DNM3: variants seen among roughly 807,000 people sequenced by gnomAD.
DNM3 encodes dynamin-3.
DNM3 carries 47 observed loss-of-function variants against 101.6 expected under a neutral mutation model. That is an observed-to-expected ratio of 0.46 (90% CI 0.37 to 0.59). The LOEUF is 0.59. Among genes scored for constraint, DNM3 ranks in the 20% least tolerant of loss-of-function variants. The pLI, the probability that DNM3 is intolerant of heterozygous loss-of-function variation, is 0.00. For synonymous variants in DNM3, 385 were observed against 387.9 expected (o/e 0.99, Z 0.09); for missense variants, 849 against 1,085.7 (o/e 0.78, Z 3.06).
chr1:172,352,878 A>G (rs1040735673), intron 17 of DNM3, among the ~76,000 whole-genome samples: 7 of 152,212 alleles, frequency 4.6e-5, no homozygotes, highest in African/African-American at 1.7e-4. Flanking sequence ...AATAAAAATT[A>G]AGAGCAAAAC....
At chr1:172,132,490 T>C (rs902866054) in intron 14 of DNM3, among the ~76,000 whole-genome samples, 1 of 152,190 alleles carries the variant, frequency 6.6e-6, no homozygotes, top group South Asian at 2.1e-4. Flanking sequence ...CTTAGCTATC[T>C]CTGTCATTCT....
chr1:172,269,433 A>G (rs141173097), intron 15 of DNM3, among the ~76,000 whole-genome samples: 1 of 152,276 alleles, frequency 6.6e-6, no homozygotes, highest in East Asian at 1.9e-4. Flanking sequence ...TAGGGGACCC[A>G]ATCGCTAGTT....
intron 4 of DNM3, among the ~76,000 whole-genome samples, chr1:172,001,143 G>A (rs1016024398): frequency 6.6e-6 from 1 of 152,062 alleles, no homozygotes; most frequent in Non-Finnish European, 1.5e-5. Context: ...CATAGGAAAG[G>A]AAGAGGACAT....
rs2071129389 is a variant in DNM3, at chr1:172,410,222, T to A, written c.*2381T>A. On this transcript the variant is annotated 3_prime_UTR_variant, in exon 21 of 21. Coordinates refer to ENST00000627582, the MANE Select transcript of DNM3 (RefSeq NM_015569.5). ...CTCATTTCCCAAAGGGTTTGTATTC[T>A]GCTAAAAGGAGATGCCAATGTTGAA... 1 of 985,278 alleles carries A rather than the reference T, an allele frequency of 1.0e-6. No individual in the cohort carries two copies. 61.0% of individuals were successfully genotyped at this position (985,278 alleles called of 1,614,324 possible).
In DNM3 at chr1:172,108,427, T is replaced by G. The variant is rs762477808; in HGVS notation, c.1545+15552T>G. Among the ~76,000 whole-genome samples the G allele has an allele frequency of 6.0e-4, 92 of 152,302 alleles. 1 individual carries two copies. Among genetic ancestry groups the G allele is most frequent in the Non-Finnish European group, 2.2e-4 (15 of 68,018 alleles). Reference sequence around the variant, plus strand: ...TTTAATTGGAGTAGTCTTAGTAGCTTGAAAGAGTTAATGCAGGTCTCAGAT... The same window carrying G: ...TTTAATTGGAGTAGTCTTAGTAGCTGGAAAGAGTTAATGCAGGTCTCAGAT... On this transcript the variant is annotated intron_variant, in intron 13 of 20. Coordinates refer to ENST00000627582, the MANE Select transcript of DNM3 (RefSeq NM_015569.5).
intron 1 of DNM3, among the ~76,000 whole-genome samples, chr1:171,893,200 C>T (rs1393241873): frequency 6.6e-6 from 1 of 152,078 alleles, no homozygotes; most frequent in Non-Finnish European, 1.5e-5. Context: ...ATTCTGGGAT[C>T]CTTTGATGTC....
At chr1:171,909,825 T>C (rs1286569999) in intron 1 of DNM3, among the ~76,000 whole-genome samples, 2 of 152,210 alleles carry the variant, frequency 1.3e-5, no homozygotes, top group Non-Finnish European at 2.9e-5. Flanking sequence ...AAGAAGGCCA[T>C]TAAGTGCTAA....
Position 172,234,578 on chromosome 1 carries a change from C to A in DNM3, c.1660-18995C>A, listed in dbSNP as rs553551710. On this transcript the variant is annotated intron_variant, in intron 14 of 20. Transcript: ENST00000627582. ...CAAAAAAGAGCCCACATTGCCAAGT[C>A]AATCCTAAGCCAAAAGAACAAAGCT... 3.6e-4 allele frequency among the ~76,000 whole-genome samples: 55 copies of A among 152,224 alleles called. 1 individual carries two copies. The highest frequency in any genetic ancestry group is 7.2e-4 in the Admixed American group (11 of 15,282).
intron 1 of DNM3, among the ~76,000 whole-genome samples, chr1:171,918,756 T>TA (rs928516475): frequency 6.6e-6 from 1 of 152,002 alleles, no homozygotes; most frequent in East Asian, 1.9e-4. Flanking sequence ...GTTTGCTTAA[T>TA]AAAAAAAATG....
chr1:172,329,203 G>A (rs2066076934), intron 17 of DNM3, among the ~76,000 whole-genome samples: 1 of 152,082 alleles, frequency 6.6e-6, no homozygotes, highest in Admixed American at 6.6e-5. Context: ...AAAAAAGGAT[G>A]TGAATGGTAT....
chr1:171,924,094 G>A (rs1017478508), intron 2 of DNM3, among the ~76,000 whole-genome samples: 1 of 152,152 alleles, frequency 6.6e-6, no homozygotes, highest in Non-Finnish European at 1.5e-5. Context: ...GGTGGGCTTA[G>A]GTTGATTCCA....
At chr1:172,068,463 T>C (rs1466048631) in intron 10 of DNM3, among the ~76,000 whole-genome samples, 1 of 152,210 alleles carries the variant, frequency 6.6e-6, no homozygotes, top group Non-Finnish European at 1.5e-5. Context: ...CTATATAAAA[T>C]GTTAGTCATT....
intron 1 of DNM3, among the ~76,000 whole-genome samples, chr1:171,866,115 C>T (rs1053432992): frequency 6.6e-6 from 1 of 152,206 alleles, no homozygotes; most frequent in African/African-American, 2.4e-5. Flanking sequence ...GTTGTCCCAG[C>T]TCAGAGCTTA....
At chr1:172,077,104 G>A (rs1367538185) in intron 11 of DNM3, among the ~76,000 whole-genome samples, 1 of 152,124 alleles carries the variant, frequency 6.6e-6, no homozygotes, top group African/African-American at 2.4e-5. Flanking sequence ...TATTTGCATA[G>A]AGGTGTTTAT....
At chr1:172,381,250 G>A (rs1002478439) in intron 18 of DNM3, among the ~76,000 whole-genome samples, 12 of 151,906 alleles carry the variant, frequency 7.9e-5, no homozygotes, top group East Asian at 3.9e-4. Context: ...CATAAGAGTC[G>A]TGAGAAAGGA....
chr1:171,941,557 G>A (rs897274811), intron 2 of DNM3, among the ~76,000 whole-genome samples: 3 of 152,106 alleles, frequency 2.0e-5, no homozygotes, highest in East Asian at 1.9e-4. Flanking sequence ...TCTTTGTGCC[G>A]CCCCACTTCT....
chr1:172,220,648 G>C (rs2148561892), intron 14 of DNM3, among the ~76,000 whole-genome samples: 1 of 152,260 alleles, frequency 6.6e-6, no homozygotes, highest in East Asian at 1.9e-4. Flanking sequence ...TTAAATGGTA[G>C]AGGAAATGGA....
At chr1:172,396,723 A>G (rs2070034748) in intron 20 of DNM3, among the ~76,000 whole-genome samples, 1 of 152,232 alleles carries the variant, frequency 6.6e-6, no homozygotes, top group South Asian at 2.1e-4. Context: ...ACCAGTATTT[A>G]GTTTCAGATT....
chr1:171,905,545 G>A (rs2038748696), intron 1 of DNM3, among the ~76,000 whole-genome samples: 1 of 152,140 alleles, frequency 6.6e-6, no homozygotes, highest in Admixed American at 6.5e-5. Context: ...GCCTGAGGGA[G>A]ACCTGTCTCA....
Sources: gnomAD v4.1 joint callset for allele counts (sites outside exome capture counted in the v4.1 genomes callset) on GRCh38, gnomAD v4.1.1 for gene constraint, MANE v1.5 for transcripts, NCBI Gene and HGNC (gene_info 2026-07-23, HGNC 2026-07-21) for gene names.